TENM1: variants seen among roughly 807,000 people sequenced by gnomAD.
TENM1 encodes teneurin transmembrane protein 1, also known as teneurin-1.
In TENM1, 35 loss-of-function variants were observed where a neutral mutation model predicts 174.8. That is an observed-to-expected ratio of 0.20 (90% CI 0.15 to 0.27). The LOEUF (loss-of-function observed/expected upper bound fraction) is 0.27. Among genes scored for constraint, TENM1 ranks in the 10% least tolerant of loss-of-function variants. TENM1 has a pLI of 1.00. For missense variants in TENM1, 1,633 were observed against 2,130.1 expected (o/e 0.77, Z 4.59); for synonymous variants, 781 against 798.7 (o/e 0.98, Z 0.37).
intron 5 of TENM1, among the ~76,000 whole-genome samples, chrX:124,700,807 G>A (rs915618968): frequency 1.8e-5 from 2 of 110,778 alleles, no homozygotes; most frequent in African/African-American, 6.6e-5. Flanking sequence ...TTTTTGAGGC[G>A]GACAAAATGA....
At chrX:125,075,327 G>A in the TENM1 span, among the ~76,000 whole-genome samples, 1 of 111,453 alleles carries the variant, frequency 9.0e-6, no homozygotes, top group East Asian at 2.8e-4. Context: ...ACTTCATTCC[G>A]TTTTATGGCT....
At chrX:124,879,237 A>G (rs749765664) in intron 3 of TENM1, among the ~76,000 whole-genome samples, 1 of 112,011 alleles carries the variant, frequency 8.9e-6, no homozygotes, top group South Asian at 3.7e-4. Context: ...TCTATCTAAC[A>G]GTATCTTTGT....
At chrX:124,928,139 G>C (rs1264126797) in intron 1 of TENM1, among the ~76,000 whole-genome samples, 1 of 111,713 alleles carries the variant, frequency 9.0e-6, no homozygotes, top group African/African-American at 3.3e-5. Context: ...AGTGAAACTT[G>C]GTTTATGTCC....
intron 3 of TENM1, among the ~76,000 whole-genome samples, chrX:124,776,551 T>G (rs2148630830): frequency 8.9e-6 from 1 of 112,286 alleles, no homozygotes; most frequent in East Asian, 2.8e-4. Flanking sequence ...ACAAAAGTAA[T>G]AAACCTTTTC....
intron 11 of TENM1, among the ~76,000 whole-genome samples, chrX:124,629,343 T>A (rs1328297466): frequency 8.9e-6 from 1 of 112,427 alleles, no homozygotes; most frequent in East Asian, 2.8e-4. Flanking sequence ...CAAAAGAACA[T>A]AAAGACTTTG....
At chrX:125,140,166 T>C in the TENM1 span, among the ~76,000 whole-genome samples, 7 of 111,685 alleles carry the variant, frequency 6.3e-5, no homozygotes, top group East Asian at 2.8e-4. Context: ...CCTACGTTTT[T>C]GATCCATGTC....
intron 11 of TENM1, among the ~76,000 whole-genome samples, chrX:124,616,924 T>C (rs2050411427): frequency 9.0e-6 from 1 of 111,368 alleles, no homozygotes; most frequent in African/African-American, 3.3e-5. Flanking sequence ...ACTACAAACA[T>C]ATATTAAGAG....
chrX:124,475,564 G>T (rs1056656490), intron 22 of TENM1, among the ~76,000 whole-genome samples: 1 of 111,625 alleles, frequency 9.0e-6, no homozygotes, highest in African/African-American at 3.3e-5. Context: ...GGTCACCAAC[G>T]AACTCCTCAT....
Position 124,468,642 on chromosome X carries a change from A to G in TENM1, c.3949+13090T>C, listed in dbSNP as rs1470951296. ...ATAAATTTTCCACATATGTGTATATATCCATGAATAATATATAGTATTGTT... is the reference window on the plus strand; with the variant it reads ...ATAAATTTTCCACATATGTGTATATGTCCATGAATAATATATAGTATTGTT... On this transcript the variant is annotated intron_variant, in intron 22 of 31. Coordinates refer to ENST00000422452, the Ensembl canonical transcript of TENM1. 2.7e-5 allele frequency among the ~76,000 whole-genome samples: 3 copies of G among 111,871 alleles called. No individual in the cohort carries two copies. The Admixed American group carries it at 2.8e-4, about 11-fold the overall frequency.
At chrX:124,765,442 A>G (rs1175711547) in intron 3 of TENM1, among the ~76,000 whole-genome samples, 6 of 112,326 alleles carry the variant, frequency 5.3e-5, no homozygotes, top group African/African-American at 1.9e-4. Context: ...GTACACAGCC[A>G]GTACTTAGCA....
At chrX:124,491,133 A>G (rs1312774344) in intron 20 of TENM1, among the ~76,000 whole-genome samples, 2 of 112,153 alleles carry the variant, frequency 1.8e-5, no homozygotes, top group Non-Finnish European at 3.8e-5. Context: ...CTACTGAGTG[A>G]ATTTTTCACA....
At chrX:124,613,040 C>T (rs753929420) in intron 11 of TENM1, among the ~76,000 whole-genome samples, 2 of 111,474 alleles carry the variant, frequency 1.8e-5, no homozygotes, top group Non-Finnish European at 3.8e-5. Flanking sequence ...CGTTACCTTT[C>T]ATTGCCTTCT....
intron 5 of TENM1, among the ~76,000 whole-genome samples, chrX:124,703,869 T>C (rs1337892053): frequency 1.8e-5 from 2 of 112,087 alleles, no homozygotes; most frequent in Non-Finnish European, 3.8e-5. Flanking sequence ...ATTGTTCAAA[T>C]ATATTCAGCT....
At chrX:124,883,029 A>G (rs1201544072) in intron 3 of TENM1, among the ~76,000 whole-genome samples, 1 of 111,940 alleles carries the variant, frequency 8.9e-6, no homozygotes, top group Non-Finnish European at 1.9e-5. Flanking sequence ...ACTGAATTTA[A>G]TATCATTATT....
chrX:125,034,779 A>G, the TENM1 span, among the ~76,000 whole-genome samples: 4 of 111,909 alleles, frequency 3.6e-5, no homozygotes, highest in East Asian at 1.1e-3. Flanking sequence ...TAGATATTGG[A>G]TGTCTAGTAC....
intron 11 of TENM1, among the ~76,000 whole-genome samples, chrX:124,582,805 C>A (rs1346043066): frequency 8.9e-6 from 1 of 111,941 alleles, no homozygotes; most frequent in Non-Finnish European, 1.9e-5. Flanking sequence ...GAATCGGCAC[C>A]TGGAAAATCG....
At chrX:124,717,175 A>G (rs190627838) in intron 4 of TENM1, among the ~76,000 whole-genome samples, 8 of 111,463 alleles carry the variant, frequency 7.2e-5, no homozygotes, top group African/African-American at 2.6e-4. Flanking sequence ...GGTAACTCAG[A>G]TCTCTTCTAC....
At chrX:125,030,300 C>T in the TENM1 span, among the ~76,000 whole-genome samples, 8,371 of 111,633 alleles carry the variant, frequency 0.075, 758 homozygotes, top group African/African-American at 0.26. Flanking sequence ...GAAAATACAT[C>T]TCTCATTCTT....
the TENM1 span, among the ~76,000 whole-genome samples, chrX:125,024,385 CCACA>C: frequency 1.9e-4 from 20 of 105,592 alleles, 1 homozygote; most frequent in Admixed American, 5.0e-4. Context: ...CACACACACA[CCACA>C]CACACACACA....
Sources: gnomAD v4.1 joint callset for allele counts (sites outside exome capture counted in the v4.1 genomes callset) on GRCh38, gnomAD v4.1.1 for gene constraint, MANE v1.5 for transcripts, NCBI Gene and HGNC (gene_info 2026-07-23, HGNC 2026-07-21) for gene names.